The following FAM163B variants were observed in gnomAD, a reference collection of about 807,000 sequenced individuals.
FAM163B encodes the protein family with sequence similarity 163 member B.
FAM163B carries 4 observed loss-of-function variants against 7.6 expected under a neutral mutation model. The ratio of observed to expected loss-of-function variants is 0.52; its 90% CI spans 0.26 to 1.20. FAM163B has a LOEUF of 1.20. Among genes scored for constraint, FAM163B ranks in the 50% most tolerant of loss-of-function variants. The pLI is 0.14. For missense variants in FAM163B, 250 were observed against 243.0 expected (o/e 1.03, Z -0.19); for synonymous variants, 120 against 111.6 (o/e 1.07, Z -0.47).
intron 1 of FAM163B, among the ~76,000 whole-genome samples, 90 bp downstream of exon 1, chr9:133,608,987 G>A (rs1831821368): frequency 6.6e-6 from 1 of 152,244 alleles, no homozygotes; most frequent in Non-Finnish European, 1.5e-5. Flanking sequence ...GCTGCAGTGG[G>A]CACTCTGGAC....
At chr9:133,585,283 C>T (rs907459680) in intron 1 of FAM163B, among the ~76,000 whole-genome samples, 16 of 152,340 alleles carry the variant, frequency 1.1e-4, no homozygotes, top group African/African-American at 2.9e-4. Context: ...CTGCCTCCCC[C>T]GGGAGCCCCC....
chr9:133,603,304 C>G (rs1831752257), intron 1 of FAM163B, among the ~76,000 whole-genome samples: 1 of 152,212 alleles, frequency 6.6e-6, no homozygotes, highest in Admixed American at 6.5e-5. Context: ...CATCCCACCG[C>G]AGCCGGCCTT....
Position 133,606,900 on chromosome 9 carries a change from G to C in FAM163B, c.-24+2177C>G, listed in dbSNP as rs1259355568. Among the ~76,000 whole-genome samples the C allele has an allele frequency of 1.3e-5, 2 of 152,342 alleles. No individual in the cohort carries two copies. Among genetic ancestry groups the C allele is most frequent in the East Asian group, 3.9e-4 (2 of 5,188 alleles). On this transcript the variant is annotated intron_variant, in intron 1 of 2. Coordinates refer to ENST00000673969, the MANE Select transcript of FAM163B (RefSeq NM_001080515.3). This position sits in a 1 kb window ranked among gnomAD's most constrained non-coding sequence, Gnocchi z 4.0. ...AGGCAGGCCCACGTGGCAGGAGCCAGAGGTCTCACTGCAGGAGTGGGTCTC... is the reference window on the plus strand; with the variant it reads ...AGGCAGGCCCACGTGGCAGGAGCCACAGGTCTCACTGCAGGAGTGGGTCTC...
intron 1 of FAM163B, among the ~76,000 whole-genome samples, chr9:133,583,193 G>C (rs1831381960): frequency 6.6e-6 from 1 of 152,166 alleles, no homozygotes. Flanking sequence ...TCCACTACGG[G>C]CCATGGCTGA....
At chr9:133,589,720 C>G (rs971433651) in intron 1 of FAM163B, among the ~76,000 whole-genome samples, 2 of 152,274 alleles carry the variant, frequency 1.3e-5, no homozygotes, top group African/African-American at 4.8e-5. Flanking sequence ...GAGCTGGGGT[C>G]TTGCCCTCGT....
In FAM163B at chr9:133,579,131, A is replaced by G; in HGVS notation, c.392T>C (p.Val131Ala). ...VLYKSVSQED[V>A]ELPPGGFGGL... ...CCCGAAGCCCCCCGGGGGCAGCTCC[A>G]CGTCCTCCTGGCTCACGCTCTTGTA... The change falls in exon 3 of 3, where the codon GTG becomes GCG. Residue 131 changes from valine (V) to alanine (A), a missense_variant. Val to Ala is a moderately conservative substitution (Grantham distance 64). Coordinates refer to ENST00000673969, the MANE Select transcript of FAM163B (RefSeq NM_001080515.3). 6.2e-7 allele frequency: 1 copy of G among 1,608,924 alleles called. No homozygotes were observed. The highest frequency in any genetic ancestry group is 8.5e-7 in the Non-Finnish European group (1 of 1,179,672).
At position 133,600,419 on chromosome 9, in the gene FAM163B, C is replaced by G. The variant is rs1339309767; in HGVS notation, c.-24+8658G>C. On this transcript the variant is annotated intron_variant, in intron 1 of 2. Transcript: ENST00000673969. This position sits in a 1 kb window ranked among gnomAD's most constrained non-coding sequence, Gnocchi z 4.9. ...GGGCAGGGGCGTGTGCCACAGTACC[C>G]CTGTTTCCCTGTGGTGCCACCCACT... 6.6e-6 allele frequency among the ~76,000 whole-genome samples: 1 copy of G among 152,120 alleles called. No homozygotes were observed. The highest frequency in any genetic ancestry group is 1.5e-5 in the Non-Finnish European group (1 of 68,018).
In FAM163B at chr9:133,600,472, G is replaced by A. The variant is rs1173021860; in HGVS notation, c.-24+8605C>T. ...CAGTTTAGTGGAGCCCAGGTCACCT[G>A]GCACTTACGAGGGAAGCCCCAGATG... On this transcript the variant is annotated intron_variant, in intron 1 of 2. Transcript: ENST00000673969. The surrounding 1 kb of genome is among the most constrained non-coding windows in gnomAD (Gnocchi z 4.9). Among the ~76,000 whole-genome samples, 1 of 152,184 alleles carries A rather than the reference G, an allele frequency of 6.6e-6. No individual in the cohort carries two copies. Among genetic ancestry groups the A allele is most frequent in the South Asian group, 2.1e-4 (1 of 4,836 alleles).
chr9:133,596,198 G>T (rs2131251734), intron 1 of FAM163B, among the ~76,000 whole-genome samples: 1 of 151,930 alleles, frequency 6.6e-6, no homozygotes, highest in Admixed American at 6.5e-5. Context: ...TTGATGGGGA[G>T]CAGGGAGGAG....
At chr9:133,588,637 TCTA>T (rs2131233623) in intron 1 of FAM163B, among the ~76,000 whole-genome samples, 1 of 150,292 alleles carries the variant, frequency 6.7e-6, no homozygotes, top group Non-Finnish European at 1.5e-5. Flanking sequence ...TGTTGAGGGA[TCTA>T]GCAGGTTGAA....
chr9:133,606,983 C>A lies in FAM163B; in HGVS notation c.-24+2094G>T, dbSNP rs150033081. On this transcript the variant is annotated intron_variant, in intron 1 of 2. Coordinates refer to ENST00000673969, the MANE Select transcript of FAM163B (RefSeq NM_001080515.3). The surrounding 1 kb of genome is among the most constrained non-coding windows in gnomAD (Gnocchi z 4.0). ...AGAAAAGTCAGGAATATAGAGCCAG[C>A]CCCTAAATATACAAAACGGGGGTGA... 1.3e-5 allele frequency among the ~76,000 whole-genome samples: 2 copies of A among 152,296 alleles called. No individual in the cohort carries two copies. The highest frequency in any genetic ancestry group is 3.9e-4 in the East Asian group (2 of 5,176).
chr9:133,581,373 T>A (rs375101252), intron 1 of FAM163B, among the ~76,000 whole-genome samples: 37 of 152,296 alleles, frequency 2.4e-4, no homozygotes, highest in African/African-American at 8.7e-4. Flanking sequence ...GCCTCATTTT[T>A]ATTTTTTTTT....
At chr9:133,603,744 C>A (rs62575398) in intron 1 of FAM163B, among the ~76,000 whole-genome samples, 10,359 of 152,254 alleles carry the variant, frequency 0.068, 506 homozygotes, top group Admixed American at 0.16. Flanking sequence ...CCTGCTCCAG[C>A]CCAGGGTGTA....
In FAM163B at chr9:133,577,153, A is replaced by G. The variant is rs1831260523; in HGVS notation, c.*1869T>C. On this transcript the variant is annotated 3_prime_UTR_variant, in exon 3 of 3. Transcript: ENST00000673969. ...CTCCCCCAGCAGGTCCCCACGGTGG[A>G]GCCGAGTGAGCTGGGAGGGATGGGT... 6.6e-6 allele frequency among the ~76,000 whole-genome samples: 1 copy of G among 152,176 alleles called. No individual in the cohort carries two copies. Among genetic ancestry groups the G allele is most frequent in the Non-Finnish European group, 1.5e-5 (1 of 68,024 alleles).
intron 1 of FAM163B, among the ~76,000 whole-genome samples, chr9:133,588,650 A>AGGATCTAGCATGTTGAG (rs1831485568): frequency 0.011 from 148 of 13,130 alleles, no homozygotes; most frequent in African/African-American, 0.032. Flanking sequence ...AGCAGGTTGA[A>AGGATCTAGCATGTTGAG]GGATCTAGCA....
At chr9:133,583,994 C>T (rs1436022862) in intron 1 of FAM163B, among the ~76,000 whole-genome samples, 2 of 152,172 alleles carry the variant, frequency 1.3e-5, no homozygotes, top group Non-Finnish European at 2.9e-5. Context: ...CCCTGGGCCT[C>T]CACCCTCCTG....
rs1210125529 is a variant in FAM163B, at chr9:133,600,118, GTGTA to G, written c.-24+8955_-24+8958del. Among the ~76,000 whole-genome samples the G allele has an allele frequency of 2.0e-5, 3 of 150,804 alleles. No individual in the cohort carries two copies. The highest frequency in any genetic ancestry group is 2.0e-4 in the East Asian group (1 of 5,110). The stretch of plus-strand genomic sequence containing the variant: ...GTGCCTCTGAATGTGTGTGGTCTAT[GTGTA>G]TGTGTGTCTGTGTGCGTGTGTGAAT... On this transcript the variant is annotated intron_variant, in intron 1 of 2. Coordinates refer to ENST00000673969, the MANE Select transcript of FAM163B (RefSeq NM_001080515.3). This position sits in a 1 kb window ranked among gnomAD's most constrained non-coding sequence, Gnocchi z 4.9.
chr9:133,608,071 A>G (rs112291998), intron 1 of FAM163B, among the ~76,000 whole-genome samples: 8,407 of 152,262 alleles, frequency 0.055, 768 homozygotes, highest in African/African-American at 0.19. Flanking sequence ...AGAAGCCCTG[A>G]AGAGCGTGAG....
intron 1 of FAM163B, among the ~76,000 whole-genome samples, chr9:133,591,374 G>A (rs1831549724): frequency 6.6e-6 from 1 of 152,208 alleles, no homozygotes; most frequent in Non-Finnish European, 1.5e-5. Context: ...GGTGTCCTGT[G>A]GGGGTGGTAA....
Sources: gnomAD v4.1 joint callset for allele counts (sites outside exome capture counted in the v4.1 genomes callset) on GRCh38, gnomAD v4.1.1 for gene constraint, Gnocchi (gnomAD v3.1) non-coding constraint, MANE v1.5 for transcripts, NCBI Gene and HGNC (gene_info 2026-07-23, HGNC 2026-07-21) for gene names.